Variants in ARB2A observed in about 807,000 individuals in gnomAD.
ARB2A encodes the protein cotranscriptional regulator ARB2A.
chr5:93,865,914 G>A, the ARB2A span: 2 of 985,278 alleles, frequency 2.0e-6, no homozygotes, highest in African/African-American at 1.7e-5. Context: ...ATCGCTATGA[G>A]GGCTGCCCCA....
chr5:93,725,575 T>C, the ARB2A span, among the ~76,000 whole-genome samples: 1 of 152,194 alleles, frequency 6.6e-6, no homozygotes, highest in African/African-American at 2.4e-5. Flanking sequence ...TAGGGATTCC[T>C]TTGCCTGAAG....
At chr5:93,820,050 CTAA>C in the ARB2A span, among the ~76,000 whole-genome samples, 1 of 152,110 alleles carries the variant, frequency 6.6e-6, no homozygotes, top group African/African-American at 2.4e-5. Context: ...TGGGAATATA[CTAA>C]TAATAACATG....
the ARB2A span, among the ~76,000 whole-genome samples, chr5:93,815,234 G>GT: frequency 6.6e-6 from 1 of 152,136 alleles, no homozygotes; most frequent in Non-Finnish European, 1.5e-5. Context: ...TTAAAAACCT[G>GT]TAACAGAAAA....
the ARB2A span, among the ~76,000 whole-genome samples, chr5:93,994,815 A>C: frequency 6.6e-6 from 1 of 152,098 alleles, no homozygotes; most frequent in South Asian, 2.1e-4. Context: ...CTGAGGCAGG[A>C]GAACTGCTTG....
chr5:93,995,736 T>C, the ARB2A span, among the ~76,000 whole-genome samples: 1 of 152,200 alleles, frequency 6.6e-6, no homozygotes, highest in African/African-American at 2.4e-5. Context: ...CATACAACAT[T>C]GTGCCTATCG....
chr5:93,690,075 C>A, the ARB2A span, among the ~76,000 whole-genome samples: 2 of 152,208 alleles, frequency 1.3e-5, no homozygotes, highest in East Asian at 1.9e-4. Context: ...AGGAGATTCC[C>A]TAGAGTGCCT....
the ARB2A span, among the ~76,000 whole-genome samples, chr5:93,704,840 T>C: frequency 6.6e-6 from 1 of 152,232 alleles, no homozygotes; most frequent in Non-Finnish European, 1.5e-5. Context: ...TGAGAAGAGC[T>C]ATGATTCTCC....
the ARB2A span, among the ~76,000 whole-genome samples, chr5:93,645,321 C>A: frequency 6.6e-6 from 1 of 152,014 alleles, no homozygotes; most frequent in African/African-American, 2.4e-5. Flanking sequence ...TGCCTGTAAT[C>A]CCAGCACTTT....
the ARB2A span, among the ~76,000 whole-genome samples, chr5:93,698,218 A>T: frequency 6.6e-6 from 1 of 152,112 alleles, no homozygotes; most frequent in Non-Finnish European, 1.5e-5. Flanking sequence ...GCTTTTGGTT[A>T]TTTCCAAGTT....
At chr5:93,861,583 A>C in the ARB2A span, 1 of 152,120 alleles carries the variant, frequency 6.6e-6, no homozygotes, top group African/African-American at 2.4e-5. Context: ...AATGTTTAAG[A>C]ATTTATTGGT....
the ARB2A span, among the ~76,000 whole-genome samples, chr5:93,697,228 C>CA: frequency 6.6e-6 from 1 of 151,964 alleles, no homozygotes; most frequent in Non-Finnish European, 1.5e-5. Flanking sequence ...AGGTTCATCT[C>CA]ATCAGACCTA....
At chr5:93,692,287 A>G in the ARB2A span, among the ~76,000 whole-genome samples, 23 of 152,246 alleles carry the variant, frequency 1.5e-4, no homozygotes, top group African/African-American at 5.3e-4. Context: ...GACCCATCTC[A>G]CGTGCAAAGT....
the ARB2A span, among the ~76,000 whole-genome samples, chr5:93,978,455 G>C: frequency 6.6e-6 from 1 of 152,138 alleles, no homozygotes; most frequent in Non-Finnish European, 1.5e-5. Flanking sequence ...ATGAAATCAT[G>C]TCCTTTGCAG....
chr5:94,077,859 C>G, the ARB2A span, among the ~76,000 whole-genome samples: 1 of 152,154 alleles, frequency 6.6e-6, no homozygotes, highest in Non-Finnish European at 1.5e-5. Context: ...TTCAAAACAT[C>G]TCAGTTTGCC....
the ARB2A span, among the ~76,000 whole-genome samples, chr5:93,882,070 A>C: frequency 6.6e-6 from 1 of 151,462 alleles, no homozygotes; most frequent in Admixed American, 6.6e-5. Context: ...TTGAGAAAAC[A>C]ACCTCTGAAA....
chr5:93,844,223 T>G, the ARB2A span, among the ~76,000 whole-genome samples: 2 of 151,930 alleles, frequency 1.3e-5, no homozygotes, highest in African/African-American at 4.8e-5. Context: ...GCGAGTGGAC[T>G]GCTTGAACTC....
the ARB2A span, among the ~76,000 whole-genome samples, chr5:93,858,456 C>G: frequency 6.6e-6 from 1 of 152,200 alleles, no homozygotes; most frequent in Non-Finnish European, 1.5e-5. Flanking sequence ...GGATAGCCAT[C>G]TCAGGCCTGC....
At chr5:94,020,777 T>C in the ARB2A span, among the ~76,000 whole-genome samples, 1 of 152,164 alleles carries the variant, frequency 6.6e-6, no homozygotes, top group Non-Finnish European at 1.5e-5. Context: ...ATACAATCAA[T>C]ACCTTTGGGC....
chr5:93,663,644 C>A, the ARB2A span, among the ~76,000 whole-genome samples: 1 of 151,984 alleles, frequency 6.6e-6, no homozygotes, highest in Non-Finnish European at 1.5e-5. Flanking sequence ...GATTGGGCGC[C>A]CTTCACATCT....
Sources: gnomAD v4.1 joint callset for allele counts (sites outside exome capture counted in the v4.1 genomes callset) on GRCh38, gnomAD v4.1.1 for gene constraint, MANE v1.5 for transcripts, NCBI Gene and HGNC (gene_info 2026-07-23, HGNC 2026-07-21) for gene names.